The following PRDM5 variants were observed in gnomAD, a reference collection of about 807,000 sequenced individuals.
PRDM5 encodes PR domain zinc finger protein 5.
PRDM5 carries 56 observed loss-of-function variants against 81.2 expected under a neutral mutation model. The observed-to-expected ratio is 0.69, with a 90% CI of 0.56 to 0.86. The LOEUF is 0.86. PRDM5 is among the 40% of genes least tolerant of loss of function. The probability of loss-of-function intolerance (pLI) is 0.00; values close to 1 mark genes in which losing one functional copy is unlikely to be tolerated. For synonymous variants in PRDM5, 267 were observed against 256.4 expected, an observed-to-expected ratio of 1.04 and a Z score of -0.39; for missense variants, 697 against 770.1, an observed-to-expected ratio of 0.91 and a Z score of 1.12.
chr4:120,756,443 T>A (rs1578612137), intron 13 of PRDM5, among the ~76,000 whole-genome samples: 1 of 152,200 alleles, frequency 6.6e-6, no homozygotes, highest in East Asian at 1.9e-4. Context: ...TCTCCCTCCA[T>A]CCAGACTCTA....
At chr4:120,832,496 G>T (rs35804527) in intron 3 of PRDM5, among the ~76,000 whole-genome samples, 1 of 151,992 alleles carries the variant, frequency 6.6e-6, no homozygotes, top group African/African-American at 2.4e-5. Flanking sequence ...ATTCATTTAC[G>T]CTGTATTGCA....
intron 2 of PRDM5, among the ~76,000 whole-genome samples, chr4:120,904,072 C>T (rs1765489958): frequency 6.6e-6 from 1 of 151,596 alleles, no homozygotes; most frequent in Non-Finnish European, 1.5e-5. Context: ...CACCTGTAAT[C>T]CCAGCTACTT....
At chr4:120,826,533 G>A (rs1756012795) in intron 3 of PRDM5, among the ~76,000 whole-genome samples, 1 of 152,110 alleles carries the variant, frequency 6.6e-6, no homozygotes, top group African/African-American at 2.4e-5. Flanking sequence ...ATTTTCTCAA[G>A]TGGAAAAGAA....
intron 14 of PRDM5, among the ~76,000 whole-genome samples, chr4:120,725,214 T>C (rs1739218814): frequency 1.3e-5 from 2 of 152,108 alleles, no homozygotes; most frequent in Admixed American, 1.3e-4. Flanking sequence ...CAGAAGTTTT[T>C]TTTTTTTACT....
chr4:120,836,513 CATG>C (rs1485893760), intron 3 of PRDM5, among the ~76,000 whole-genome samples: 1 of 152,134 alleles, frequency 6.6e-6, no homozygotes, highest in Non-Finnish European at 1.5e-5. Context: ...ACTTTTAACC[CATG>C]ATTTCTCCTG....
In PRDM5 at chr4:120,721,037, C is replaced by A. The variant is rs549571437; in HGVS notation, c.1624-10624G>T. On this transcript the variant is annotated intron_variant, in intron 14 of 15. Coordinates refer to ENST00000264808, the MANE Select transcript of PRDM5 (RefSeq NM_018699.4). ...CTTTTAATTAATCCACTCTGAGGCC[C>A]ACAGAATAGTGTGTATAAATGAAAT... Among the ~76,000 whole-genome samples the A allele has an allele frequency of 1.3e-3, 203 of 152,248 alleles. 1 individual carries two copies. The highest frequency in any genetic ancestry group is 2.6e-3 in the Non-Finnish European group (180 of 68,016).
intron 2 of PRDM5, among the ~76,000 whole-genome samples, chr4:120,881,317 G>C (rs997708203): frequency 9.9e-5 from 15 of 152,078 alleles, no homozygotes. Context: ...ATAGAGTATT[G>C]GCAAACGGCA....
chr4:120,778,511 G>A (rs972232808), intron 12 of PRDM5, among the ~76,000 whole-genome samples: 1 of 152,020 alleles, frequency 6.6e-6, no homozygotes, highest in African/African-American at 2.4e-5. Flanking sequence ...AATTGACTTT[G>A]CAGCCTTATT....
downstream of PRDM5, among the ~76,000 whole-genome samples, chr4:120,690,903 C>T (rs1464129780): frequency 3.3e-5 from 5 of 152,034 alleles, no homozygotes; most frequent in Non-Finnish European, 2.9e-5. Flanking sequence ...AATTTAACAT[C>T]TTAGATTAGT....
chr4:120,707,711 G>A (rs944269185), intron 15 of PRDM5, among the ~76,000 whole-genome samples: 4 of 151,978 alleles, frequency 2.6e-5, no homozygotes, highest in Non-Finnish European at 5.9e-5. Flanking sequence ...AAGGCCTTAT[G>A]CATCTCAAGA....
At chr4:120,789,512 C>T (rs1029436721) in intron 10 of PRDM5, among the ~76,000 whole-genome samples, 4 of 152,046 alleles carry the variant, frequency 2.6e-5, no homozygotes, top group African/African-American at 9.7e-5. Flanking sequence ...TTAGAAGAAA[C>T]AACTAAAGAT....
intron 2 of PRDM5, among the ~76,000 whole-genome samples, chr4:120,884,290 G>A (rs1763167259): frequency 6.6e-6 from 1 of 152,132 alleles, no homozygotes; most frequent in Non-Finnish European, 1.5e-5. Context: ...GTGATGATAT[G>A]TAATGAAAAA....
At chr4:120,737,139 G>C (rs146512205) in intron 14 of PRDM5, among the ~76,000 whole-genome samples, 3 of 152,094 alleles carry the variant, frequency 2.0e-5, no homozygotes, top group Non-Finnish European at 4.4e-5. Context: ...GGCTTCATCA[G>C]AGGATCACAG....
intron 14 of PRDM5, among the ~76,000 whole-genome samples, chr4:120,715,992 G>A (rs1251516427): frequency 1.3e-5 from 2 of 152,184 alleles, no homozygotes; most frequent in Non-Finnish European, 2.9e-5. Flanking sequence ...TCATACAGAT[G>A]CTTAAAAGAC....
chr4:120,902,367 T>C (rs1351608151), intron 2 of PRDM5, among the ~76,000 whole-genome samples: 1 of 152,228 alleles, frequency 6.6e-6, no homozygotes, highest in Admixed American at 6.5e-5. Flanking sequence ...AAAGAGGATG[T>C]CTTGGAGACG....
At chr4:120,731,367 CTTTTT>C (rs200102326) in intron 14 of PRDM5, among the ~76,000 whole-genome samples, 1 of 129,266 alleles carries the variant, frequency 7.7e-6, no homozygotes, top group Admixed American at 7.7e-5. Context: ...CAGAGGTCTT[CTTTTT>C]TTTTTTTTTT....
chr4:120,827,271 G>A (rs1422730469), intron 3 of PRDM5, among the ~76,000 whole-genome samples: 1 of 152,034 alleles, frequency 6.6e-6, no homozygotes. Context: ...AGATTTGCTG[G>A]CAAACACACA....
At position 120,717,304 on chromosome 4, in the gene PRDM5, T is replaced by C. The variant is rs1377663332; in HGVS notation, c.1624-6891A>G. ...TTTGTCAGTTAAACTGTGTAATCTA[T>C]TAGAGGCAGAATTAATCAGGAGTCT... On this transcript the variant is annotated intron_variant, in intron 14 of 15. Transcript: ENST00000264808. Among the ~76,000 whole-genome samples, 2 of 152,180 alleles carry C rather than the reference T, an allele frequency of 1.3e-5. 1 individual carries two copies. The highest frequency in any genetic ancestry group is 6.3e-3 in the Middle Eastern group (2 of 316).
At chr4:120,710,533 G>GAT in intron 14 of PRDM5, 120 bp from the exon 15 acceptor site, 1 of 818,692 alleles carries the variant, frequency 1.2e-6, no homozygotes. Flanking sequence ...CAGGTATGCT[G>GAT]ATATGGTTTG....
Sources: allele counts gnomAD v4.1 joint callset (sites outside exome capture counted in the v4.1 genomes callset), GRCh38; gene constraint gnomAD v4.1.1; transcripts MANE v1.5; gene names NCBI Gene and HGNC (gene_info 2026-07-23, HGNC 2026-07-21).